Variants in MACROD2 observed in about 807,000 individuals in gnomAD.
MACROD2 encodes mono-ADP ribosylhydrolase 2, also known as ADP-ribose glycohydrolase MACROD2.
In MACROD2, 36 loss-of-function variants were observed where a neutral mutation model predicts 70.4. The ratio of observed to expected loss-of-function variants is 0.51; its 90% CI spans 0.39 to 0.68. The LOEUF (loss-of-function observed/expected upper bound fraction) is 0.68. Ranked by LOEUF, MACROD2 falls within the 30% of genes least tolerant of loss-of-function variation. MACROD2 has a pLI of 0.00. For synonymous variants in MACROD2, 172 were observed against 178.8 expected (o/e 0.96, Z 0.30); for missense variants, 496 against 538.4 (o/e 0.92, Z 0.78).
At chr20:14,796,324 A>G (rs190459090) in intron 5 of MACROD2, among the ~76,000 whole-genome samples, 2 of 152,216 alleles carry the variant, frequency 1.3e-5, no homozygotes, top group Admixed American at 1.3e-4. Context: ...AATGATGACC[A>G]AGAATTGTTT....
chr20:14,336,365 A>T (rs2122642664), intron 3 of MACROD2, among the ~76,000 whole-genome samples: 1 of 152,292 alleles, frequency 6.6e-6, no homozygotes, highest in South Asian at 2.1e-4. Context: ...AAATAAAATA[A>T]TAAAAACAAA....
intron 7 of MACROD2, among the ~76,000 whole-genome samples, chr20:15,470,223 G>A (rs1051697975): frequency 7.2e-5 from 11 of 151,998 alleles, no homozygotes; most frequent in African/African-American, 2.7e-4. Flanking sequence ...CTAATTTTTT[G>A]TATTTTTAGT....
chr20:15,613,445 C>T (rs1227421998), intron 8 of MACROD2, among the ~76,000 whole-genome samples: 1 of 152,166 alleles, frequency 6.6e-6, no homozygotes, highest in Non-Finnish European at 1.5e-5. Flanking sequence ...CAGTATAATG[C>T]TTAGACATCA....
At chr20:14,048,387 A>T (rs2053509628) in intron 2 of MACROD2, among the ~76,000 whole-genome samples, 1 of 152,282 alleles carries the variant, frequency 6.6e-6, no homozygotes, top group Admixed American at 6.5e-5. Context: ...CAGTTATTTG[A>T]TAGTTTTTTT....
At chr20:14,203,166 G>A (rs184844064) in intron 3 of MACROD2, among the ~76,000 whole-genome samples, 3 of 151,818 alleles carry the variant, frequency 2.0e-5, no homozygotes, top group Non-Finnish European at 2.9e-5. Context: ...GCTTGATCTT[G>A]TCTACTGTTG....
chr20:15,667,487 G>C (rs150305730), intron 8 of MACROD2, among the ~76,000 whole-genome samples: 19 of 109,822 alleles, frequency 1.7e-4, no homozygotes, highest in South Asian at 3.6e-4. Context: ...ATGTATCTAT[G>C]TATCTATCTA....
rs534193835 is a variant in MACROD2 at position 15,466,351 on chromosome 20, A to G, written c.572-33423A>G. ...TGAGGATATATTAATTCATTCAATT[A>G]AAGTAATTATTCAAGTACTGTGTTG... On this transcript the variant is annotated intron_variant, in intron 7 of 17. Transcript: ENST00000684519. 2.0e-5 allele frequency among the ~76,000 whole-genome samples: 3 copies of G among 152,332 alleles called. No homozygotes were observed. The South Asian group carries it at 6.2e-4, about 32-fold the overall frequency.
chr20:14,224,696 CTT>C (rs1229498200), intron 3 of MACROD2, among the ~76,000 whole-genome samples: 1 of 152,194 alleles, frequency 6.6e-6, no homozygotes, highest in Non-Finnish European at 1.5e-5. Flanking sequence ...CTCCTGCCCT[CTT>C]TGTTCTCTCA....
intron 8 of MACROD2, among the ~76,000 whole-genome samples, chr20:15,851,694 C>G (rs956650603): frequency 6.6e-6 from 1 of 152,154 alleles, no homozygotes; most frequent in African/African-American, 2.4e-5. Flanking sequence ...ATGGCCCTTC[C>G]GAGCTGCATC....
intron 3 of MACROD2, among the ~76,000 whole-genome samples, chr20:14,121,581 G>T (rs1431978536): frequency 6.6e-6 from 1 of 152,182 alleles, no homozygotes; most frequent in Non-Finnish European, 1.5e-5. Context: ...ATCTTTTGAA[G>T]TATTTGGTTA....
At chr20:15,209,599 G>C (rs967280057) in intron 5 of MACROD2, among the ~76,000 whole-genome samples, 8 of 152,104 alleles carry the variant, frequency 5.3e-5, no homozygotes, top group African/African-American at 1.9e-4. Flanking sequence ...TTTGGAAGAG[G>C]GGTGCAAAGG....
At chr20:15,165,094 A>C (rs1237860143) in intron 5 of MACROD2, among the ~76,000 whole-genome samples, 7 of 152,166 alleles carry the variant, frequency 4.6e-5, no homozygotes, top group African/African-American at 1.7e-4. Context: ...ATATATATAT[A>C]ATAGGAGTGA....
intron 4 of MACROD2, 129 bp from the exon 5 acceptor site, chr20:14,684,714 T>G (rs1016772950): frequency 8.8e-5 from 49 of 556,772 alleles, no homozygotes; most frequent in Non-Finnish European, 1.4e-4. Context: ...TTGGACACCC[T>G]GGGTTTTCTT....
intron 3 of MACROD2, among the ~76,000 whole-genome samples, chr20:14,235,032 A>T (rs7275116): frequency 0.15 from 23,567 of 152,114 alleles, 2,565 homozygotes; most frequent in African/African-American, 0.3. Flanking sequence ...AAAGAGGCCC[A>T]CACTGTTTCT....
intron 8 of MACROD2, among the ~76,000 whole-genome samples, chr20:15,805,156 C>T (rs6135542): frequency 0.11 from 17,024 of 152,152 alleles, 2,255 homozygotes; most frequent in East Asian, 0.3. Context: ...AAATCCAACT[C>T]AGGACATACT....
chr20:16,031,571 A>C lies in MACROD2; in HGVS notation c.1154-9630A>C, dbSNP rs145557670. On this transcript the variant is annotated intron_variant, in intron 15 of 17. Coordinates refer to ENST00000684519, the MANE Select transcript of MACROD2 (RefSeq NM_001351661.2). ...AAAAGCAACAGTGTAGAAACACATC[A>C]GAAGTCCACTGATGTGGGCCTGGAT... 5.7e-3 allele frequency among the ~76,000 whole-genome samples: 864 copies of C among 152,330 alleles called. 13 individuals carry two copies. Among genetic ancestry groups the C allele is most frequent in the East Asian group, 0.041 (214 of 5,190 alleles).
chr20:15,998,774 C>T (rs1259393597), intron 15 of MACROD2, among the ~76,000 whole-genome samples: 2 of 151,858 alleles, frequency 1.3e-5, no homozygotes, highest in Non-Finnish European at 2.9e-5. Context: ...CCGTGTTAGC[C>T]AGGATGGTCT....
intron 8 of MACROD2, among the ~76,000 whole-genome samples, chr20:15,656,329 G>A (rs2049730207): frequency 6.6e-6 from 1 of 152,130 alleles, no homozygotes; most frequent in Non-Finnish European, 1.5e-5. Context: ...CTTTAGCTAT[G>A]CCCTGCAATC....
chr20:14,207,110 A>C (rs1018220517), intron 3 of MACROD2, among the ~76,000 whole-genome samples: 7 of 151,432 alleles, frequency 4.6e-5, no homozygotes, highest in Admixed American at 4.6e-4. Flanking sequence ...TAGAAGGGAC[A>C]CTTTTTTTTT....
Sources: gnomAD v4.1 joint callset for allele counts (sites outside exome capture counted in the v4.1 genomes callset) on GRCh38, gnomAD v4.1.1 for gene constraint, MANE v1.5 for transcripts, NCBI Gene and HGNC (gene_info 2026-07-23, HGNC 2026-07-21) for gene names.